R3HDM1: variants seen among roughly 807,000 people sequenced by gnomAD.
R3HDM1 encodes R3H domain-containing protein 1.
Under a neutral mutation model 141.1 loss-of-function variants are expected in R3HDM1, and 46 were observed. The observed-to-expected ratio is 0.33, with a 90% CI of 0.26 to 0.42. R3HDM1 has a LOEUF of 0.42. Among genes scored for constraint, R3HDM1 ranks in the 10% least tolerant of loss-of-function variants. The probability of loss-of-function intolerance (pLI) is 1.00; values close to 1 mark genes in which losing one functional copy is unlikely to be tolerated. For synonymous variants in R3HDM1, 435 were observed against 472.9 expected, an observed-to-expected ratio of 0.92 and a Z score of 1.04; for missense variants, 1,184 against 1,368.3, an observed-to-expected ratio of 0.87 and a Z score of 2.12.
rs1280310028 is a variant in R3HDM1, at chr2:135,724,300, C to A, written c.*8C>A. On this transcript the variant is annotated 3_prime_UTR_variant, in exon 27 of 27. Coordinates refer to ENST00000683871, the MANE Select transcript of R3HDM1 (RefSeq NM_001378107.1). Reference sequence around the variant, plus strand: ...AGGGCAAGTTCTCAGTAACAGCCACCTTTGGACCCTTCGCCTTTATGGTTC... The same window carrying A: ...AGGGCAAGTTCTCAGTAACAGCCACATTTGGACCCTTCGCCTTTATGGTTC... 6.3e-7 allele frequency: 1 copy of A among 1,577,038 alleles called. No individual in the cohort carries two copies. Among genetic ancestry groups the A allele is most frequent in the East Asian group, 2.3e-5 (1 of 43,926 alleles).
chr2:135,692,453 G>A (rs532080792), intron 21 of R3HDM1, among the ~76,000 whole-genome samples: 2 of 152,094 alleles, frequency 1.3e-5, no homozygotes, highest in African/African-American at 2.4e-5. Flanking sequence ...TTAGCTGGGC[G>A]TGGTGGCACA....
At chr2:135,716,054 C>T (rs2076127530) in intron 24 of R3HDM1, among the ~76,000 whole-genome samples, 1 of 152,186 alleles carries the variant, frequency 6.6e-6, no homozygotes, top group Non-Finnish European at 1.5e-5. Flanking sequence ...AGGCCGGGCG[C>T]AGTGGCTTAC....
intron 3 of R3HDM1, chr2:135,608,040 G>T (rs995353915): frequency 1.1e-6 from 1 of 929,638 alleles, no homozygotes; most frequent in Non-Finnish European, 1.3e-6. Context: ...TATGGGCCGG[G>T]CGCAGTGGCT....
At chr2:135,565,352 TA>T (rs1320705898) in intron 1 of R3HDM1, among the ~76,000 whole-genome samples, 2 of 147,710 alleles carry the variant, frequency 1.4e-5, no homozygotes, top group African/African-American at 4.9e-5. Context: ...TTATTATTAT[TA>T]TTATTATTAT....
chr2:135,553,079 A>G (rs1157915181), intron 1 of R3HDM1, among the ~76,000 whole-genome samples: 2 of 152,112 alleles, frequency 1.3e-5, no homozygotes, highest in Admixed American at 6.5e-5. Flanking sequence ...TGTGTTGCCC[A>G]GGGTGGTCCT....
intron 21 of R3HDM1, among the ~76,000 whole-genome samples, chr2:135,685,664 T>C (rs1575011519): frequency 6.6e-6 from 1 of 152,190 alleles, no homozygotes; most frequent in African/African-American, 2.4e-5. Context: ...CTCTTCATCA[T>C]GGAATCCCAC....
chr2:135,571,518 G>A (rs951922521), intron 1 of R3HDM1, among the ~76,000 whole-genome samples: 1 of 151,512 alleles, frequency 6.6e-6, no homozygotes, highest in African/African-American at 2.4e-5. Context: ...TAGAGACCAG[G>A]TTTCACCACG....
chr2:135,559,241 A>T (rs1397385360), intron 1 of R3HDM1: 2 of 166,214 alleles, frequency 1.2e-5, no homozygotes, highest in Non-Finnish European at 2.5e-5. Flanking sequence ...CCTCCCACAC[A>T]GCTGGGACTA....
At chr2:135,583,979 A>T (rs1707330843) in intron 1 of R3HDM1, 1 of 985,454 alleles carries the variant, frequency 1.0e-6, no homozygotes, top group Non-Finnish European at 1.2e-6. Flanking sequence ...GTTGCTGGAC[A>T]TTCCAAAATG....
chr2:135,580,930 G>T (rs1473038965), intron 1 of R3HDM1, among the ~76,000 whole-genome samples: 2 of 152,124 alleles, frequency 1.3e-5, no homozygotes, highest in African/African-American at 4.8e-5. Flanking sequence ...TCTTTCAAAT[G>T]ATAGCTTAAG....
chr2:135,583,097 G>C (rs1379767017), intron 1 of R3HDM1, among the ~76,000 whole-genome samples: 1 of 152,136 alleles, frequency 6.6e-6, no homozygotes, highest in East Asian at 1.9e-4. Context: ...ACGTTTATAA[G>C]ATGTAATCAT....
At chr2:135,661,597 A>G (rs894318688) in intron 19 of R3HDM1, among the ~76,000 whole-genome samples, 5 of 152,222 alleles carry the variant, frequency 3.3e-5, no homozygotes, top group South Asian at 2.1e-4. Context: ...TCTACATGCT[A>G]AAGGGTTGGG....
At chr2:135,592,822 C>T (rs951515040) in intron 1 of R3HDM1, among the ~76,000 whole-genome samples, 3 of 151,756 alleles carry the variant, frequency 2.0e-5, no homozygotes, top group African/African-American at 4.8e-5. Context: ...GTGGCGCTAT[C>T]GTAGTGTACT....
chr2:135,587,577 A>G (rs1708225062), intron 1 of R3HDM1, among the ~76,000 whole-genome samples: 1 of 152,146 alleles, frequency 6.6e-6, no homozygotes, highest in African/African-American at 2.4e-5. Flanking sequence ...CTTCTATCAG[A>G]TGCATTGCTT....
intron 24 of R3HDM1, among the ~76,000 whole-genome samples, chr2:135,719,449 G>A (rs1021855877): frequency 1.3e-5 from 2 of 151,546 alleles, no homozygotes; most frequent in Non-Finnish European, 2.9e-5. Flanking sequence ...CTGCACTCCA[G>A]CCTGTGTGAC....
At chr2:135,556,174 A>G (rs529052709) in intron 1 of R3HDM1, among the ~76,000 whole-genome samples, 2 of 152,338 alleles carry the variant, frequency 1.3e-5, no homozygotes, top group East Asian at 1.9e-4. Context: ...AGGCAAATCT[A>G]TAGAGACACA....
At chr2:135,705,929 A>C (rs1575150843) in intron 21 of R3HDM1, among the ~76,000 whole-genome samples, 1 of 152,124 alleles carries the variant, frequency 6.6e-6, no homozygotes, top group East Asian at 1.9e-4. Flanking sequence ...GGAGATCGAG[A>C]CCATCCTGGC....
intron 24 of R3HDM1, among the ~76,000 whole-genome samples, chr2:135,718,496 G>C (rs1028613775): frequency 6.6e-6 from 1 of 150,976 alleles, no homozygotes; most frequent in East Asian, 1.9e-4. Flanking sequence ...GTTGTTGTTT[G>C]TTTTGAGACA....
intron 1 of R3HDM1, chr2:135,590,447 G>T: frequency 4.6e-6 from 3 of 656,994 alleles, no homozygotes; most frequent in Non-Finnish European, 5.7e-6. Flanking sequence ...GCTCCAATGA[G>T]ACAATTGTAA....
Sources: gnomAD v4.1 joint callset for allele counts (sites outside exome capture counted in the v4.1 genomes callset) on GRCh38, gnomAD v4.1.1 for gene constraint, MANE v1.5 for transcripts, NCBI Gene and HGNC (gene_info 2026-07-23, HGNC 2026-07-21) for gene names.